Variants in STXBP5L observed in about 807,000 individuals in gnomAD.
STXBP5L encodes the protein syntaxin-binding protein 5-like.
A neutral mutation model predicts 144.5 loss-of-function variants in STXBP5L; 65 were observed. That is an observed-to-expected ratio of 0.45 (90% CI 0.37 to 0.55). The LOEUF (loss-of-function observed/expected upper bound fraction) is 0.55. Among genes scored for constraint, STXBP5L ranks in the 20% least tolerant of loss-of-function variants. The pLI is 0.00. For synonymous variants in STXBP5L, 505 were observed against 469.6 expected (o/e 1.08, Z -0.97); for missense variants, 1,298 against 1,405.5 (o/e 0.92, Z 1.22).
chr3:120,952,993 T>G (rs762446266), intron 2 of STXBP5L, among the ~76,000 whole-genome samples: 9 of 151,506 alleles, frequency 5.9e-5, no homozygotes, highest in African/African-American at 9.7e-5. Flanking sequence ...AGAGACAAGA[T>G]CTCTCTATCT....
rs527844247 is a variant in STXBP5L, at chr3:121,155,294, T to C, written c.754-2210T>C. On this transcript the variant is annotated intron_variant, in intron 8 of 26. Transcript: ENST00000471454. ...CACTATCTTCCATATATAACACTTA[T>C]TGCTTATCTCTGAGCCTTTGCTCCT... 2.0e-5 allele frequency among the ~76,000 whole-genome samples: 3 copies of C among 152,002 alleles called. No homozygotes were observed. In the South Asian group the frequency reaches 6.2e-4, roughly 31 times the overall value.
At chr3:120,980,640 C>T (rs1417980268) in intron 3 of STXBP5L, among the ~76,000 whole-genome samples, 1 of 151,932 alleles carries the variant, frequency 6.6e-6, no homozygotes, top group Non-Finnish European at 1.5e-5. Context: ...ATTGGATCTT[C>T]TTTTTTAAAA....
intron 5 of STXBP5L, among the ~76,000 whole-genome samples, chr3:121,055,096 A>G (rs1368851520): frequency 1.3e-5 from 2 of 152,210 alleles, no homozygotes; most frequent in Non-Finnish European, 2.9e-5. Context: ...TTTTAATCAC[A>G]GGAAGTTTGA....
intron 2 of STXBP5L, among the ~76,000 whole-genome samples, chr3:120,926,898 A>T (rs1709661132): frequency 6.7e-6 from 1 of 149,398 alleles, no homozygotes; most frequent in Non-Finnish European, 1.5e-5. Flanking sequence ...AATCATTTCA[A>T]TCTTTTTGTT....
chr3:121,411,654 A>G (rs1351976901), intron 23 of STXBP5L, among the ~76,000 whole-genome samples: 2 of 152,114 alleles, frequency 1.3e-5, no homozygotes, highest in African/African-American at 4.8e-5. Context: ...ATTCTGATCT[A>G]TTATTTATAA....
intron 12 of STXBP5L, among the ~76,000 whole-genome samples, chr3:121,238,581 T>C (rs1351591885): frequency 2.6e-5 from 4 of 152,186 alleles, no homozygotes; most frequent in Non-Finnish European, 5.9e-5. Flanking sequence ...TTAATATTTA[T>C]AAGGATACTA....
chr3:120,951,530 T>C (rs1711225609), intron 2 of STXBP5L, among the ~76,000 whole-genome samples: 1 of 152,094 alleles, frequency 6.6e-6, no homozygotes, highest in South Asian at 2.1e-4. Flanking sequence ...AAGACATTTA[T>C]GCAGCCAAAA....
At chr3:121,365,391 C>A (rs1200139604) in intron 20 of STXBP5L, among the ~76,000 whole-genome samples, 1 of 140,226 alleles carries the variant, frequency 7.1e-6, no homozygotes, top group South Asian at 2.4e-4. Flanking sequence ...AGGTTCAGGG[C>A]TTTTTTTCTT....
chr3:121,367,330 C>T (rs1468083421), intron 20 of STXBP5L, among the ~76,000 whole-genome samples: 1 of 152,094 alleles, frequency 6.6e-6, no homozygotes, highest in African/African-American at 2.4e-5. Context: ...CTGGTGGTAA[C>T]AATCTCCCTT....
intron 9 of STXBP5L, among the ~76,000 whole-genome samples, chr3:121,175,502 T>C (rs917931637): frequency 7.2e-5 from 11 of 152,238 alleles, no homozygotes; most frequent in African/African-American, 2.6e-4. Context: ...AAAGCAAGCA[T>C]GCTGATACAT....
At chr3:121,247,143 T>TA (rs1445602287) in intron 14 of STXBP5L, among the ~76,000 whole-genome samples, 1 of 152,172 alleles carries the variant, frequency 6.6e-6, no homozygotes, top group Non-Finnish European at 1.5e-5. Context: ...CCTCTCAAAA[T>TA]AAAAAATCAG....
In STXBP5L at chr3:121,194,909, C is replaced by CTTTTTT. The variant is rs10717806; in HGVS notation, c.878-10994_878-10989dup. On this transcript the variant is annotated intron_variant, in intron 9 of 26. Transcript: ENST00000471454. ...TCTGAGATAGGTCCCTCTTTTCACTCTTTTTTTTTTTTTTTTTTTTTTTTT... is the reference window on the plus strand; with the variant it reads ...TCTGAGATAGGTCCCTCTTTTCACTCTTTTTTTTTTTTTTTTTTTTTTTTTTTTTTT... Among the ~76,000 whole-genome samples the CTTTTTT allele has an allele frequency of 2.9e-3, 198 of 68,500 alleles. 6 individuals carry two copies. Among genetic ancestry groups the CTTTTTT allele is most frequent in the East Asian group, 4.1e-3 (9 of 2,180 alleles). The allele number at this position is 68,500 out of a possible 152,430, so 44.9% of individuals were successfully genotyped here. A position where few individuals can be genotyped will look rare whatever the true frequency, so the allele number is the denominator to read the frequency against.
chr3:121,050,848 T>G (rs1947919170), intron 5 of STXBP5L, among the ~76,000 whole-genome samples: 1 of 152,180 alleles, frequency 6.6e-6, no homozygotes, highest in Non-Finnish European at 1.5e-5. Flanking sequence ...CCATCTCATG[T>G]GCAGAGACAC....
chr3:120,971,919 A>G (rs1041348267), intron 3 of STXBP5L, among the ~76,000 whole-genome samples: 1 of 151,904 alleles, frequency 6.6e-6, no homozygotes, highest in African/African-American at 2.4e-5. Flanking sequence ...CCAACCCTTC[A>G]TATCATTCAT....
intron 9 of STXBP5L, among the ~76,000 whole-genome samples, chr3:121,174,505 C>T (rs1480155336): frequency 6.6e-6 from 1 of 152,026 alleles, no homozygotes; most frequent in Non-Finnish European, 1.5e-5. Context: ...ACTGAAAGGT[C>T]AACTGTAATT....
chr3:121,025,870 T>G (rs907368746), intron 3 of STXBP5L, among the ~76,000 whole-genome samples: 2 of 146,782 alleles, frequency 1.4e-5, no homozygotes, highest in Non-Finnish European at 3.0e-5. Context: ...TTAAATTATA[T>G]TATAATTATT....
chr3:121,297,608 G>T (rs2051709405), intron 19 of STXBP5L, among the ~76,000 whole-genome samples: 1 of 152,144 alleles, frequency 6.6e-6, no homozygotes, highest in African/African-American at 2.4e-5. Flanking sequence ...ACAAAAATTA[G>T]CTGGGTGTGG....
chr3:120,992,178 A>G (rs1942961249), intron 3 of STXBP5L, among the ~76,000 whole-genome samples: 1 of 151,988 alleles, frequency 6.6e-6, no homozygotes, highest in African/African-American at 2.4e-5. Flanking sequence ...TTGATTCTTA[A>G]TATTTCTCTG....
chr3:120,954,160 A>T (rs1937759727), intron 2 of STXBP5L, among the ~76,000 whole-genome samples: 1 of 152,068 alleles, frequency 6.6e-6, no homozygotes, highest in Non-Finnish European at 1.5e-5. Flanking sequence ...TTTACCCTTT[A>T]ACACCTCCGT....
Sources: gnomAD v4.1 joint callset for allele counts (sites outside exome capture counted in the v4.1 genomes callset) on GRCh38, gnomAD v4.1.1 for gene constraint, MANE v1.5 for transcripts, NCBI Gene and HGNC (gene_info 2026-07-23, HGNC 2026-07-21) for gene names.